The following ASTN2 variants were observed in gnomAD, a reference collection of about 807,000 sequenced individuals.
ASTN2 encodes astrotactin 2, also known as astrotactin-2.
In ASTN2, 54 loss-of-function variants were observed where a neutral mutation model predicts 139.8. The observed-to-expected ratio is 0.39, with a 90% CI of 0.31 to 0.48. The LOEUF (loss-of-function observed/expected upper bound fraction) is 0.48, where lower values mean the gene tolerates loss of function less well. Ranked by LOEUF, ASTN2 falls within the 20% of genes least tolerant of loss-of-function variation. The pLI is 0.95. For missense variants in ASTN2, 1,565 were observed against 1,725.1 expected, an observed-to-expected ratio of 0.91 and a Z score of 1.64; for synonymous variants, 756 against 719.5, an observed-to-expected ratio of 1.05 and a Z score of -0.81.
chr9:117,263,771 A>T (rs1451940102), intron 2 of ASTN2, among the ~76,000 whole-genome samples: 2 of 152,172 alleles, frequency 1.3e-5, no homozygotes, highest in Non-Finnish European at 2.9e-5. Flanking sequence ...TGATGTTCAC[A>T]ACGTTTTTCT....
At chr9:117,011,997 G>T (rs913487230) in intron 6 of ASTN2, among the ~76,000 whole-genome samples, 1 of 152,062 alleles carries the variant, frequency 6.6e-6, no homozygotes, top group African/African-American at 2.4e-5. Context: ...CTCATAGACC[G>T]TGATTTCCTA....
intron 11 of ASTN2, among the ~76,000 whole-genome samples, chr9:116,856,849 T>C (rs1407707147): frequency 6.6e-6 from 1 of 152,186 alleles, no homozygotes; most frequent in Non-Finnish European, 1.5e-5. Context: ...GGTTTGAGAT[T>C]GTTCTAGAAT....
intron 11 of ASTN2, among the ~76,000 whole-genome samples, chr9:116,824,454 T>C (rs1831569362): frequency 6.6e-6 from 1 of 152,204 alleles, no homozygotes; most frequent in African/African-American, 2.4e-5. Flanking sequence ...ATGGAGAGTC[T>C]TATGTGGCAA....
At position 116,970,021 on chromosome 9, in the gene ASTN2, C is replaced by A. The variant is rs564519171; in HGVS notation, c.1889+5187G>T. 2.6e-5 allele frequency among the ~76,000 whole-genome samples: 4 copies of A among 152,318 alleles called. No homozygotes were observed. The East Asian group carries it at 7.7e-4, about 29-fold the overall frequency. Reference sequence around the variant, plus strand: ...CTTTGCCTCTTTCAGCTTCTGGCGGCAGCTGGCATTCTGTGGCTTGTGATT... The same window carrying A: ...CTTTGCCTCTTTCAGCTTCTGGCGGAAGCTGGCATTCTGTGGCTTGTGATT... On this transcript the variant is annotated intron_variant, in intron 10 of 22. Transcript: ENST00000313400.
intron 10 of ASTN2, among the ~76,000 whole-genome samples, chr9:116,938,177 C>T (rs1271892571): frequency 2.0e-5 from 3 of 152,170 alleles, no homozygotes; most frequent in South Asian, 4.1e-4. Flanking sequence ...TACTGTAATA[C>T]ACTAGAATAC....
chr9:116,778,569 C>A (rs1413960448), intron 13 of ASTN2, among the ~76,000 whole-genome samples: 1 of 152,070 alleles, frequency 6.6e-6, no homozygotes, highest in East Asian at 1.9e-4. Context: ...GTGAGGAAAG[C>A]CATGAATAAA....
intron 10 of ASTN2, among the ~76,000 whole-genome samples, chr9:116,930,391 C>A (rs1235817768): frequency 6.6e-6 from 1 of 152,072 alleles, no homozygotes; most frequent in Non-Finnish European, 1.5e-5. Context: ...CTTATGTAAC[C>A]AGGGTTATGC....
At chr9:117,351,528 C>T (rs1380666770) in intron 1 of ASTN2, among the ~76,000 whole-genome samples, 1 of 152,148 alleles carries the variant, frequency 6.6e-6, no homozygotes, top group African/African-American at 2.4e-5. Flanking sequence ...TCACTGCCCC[C>T]AGGAAACCTT....
At chr9:117,406,475 C>T (rs1484324141) in intron 1 of ASTN2, among the ~76,000 whole-genome samples, 1 of 152,090 alleles carries the variant, frequency 6.6e-6, no homozygotes, top group Non-Finnish European at 1.5e-5. Context: ...GACGTCTTGT[C>T]CTGCCACCCC....
intron 1 of ASTN2, among the ~76,000 whole-genome samples, chr9:117,325,005 G>T (rs1049841931): frequency 6.6e-6 from 1 of 152,186 alleles, no homozygotes; most frequent in Non-Finnish European, 1.5e-5. Flanking sequence ...TGGGAATTCT[G>T]AGAGGCGGTG....
chr9:117,407,460 T>C (rs1831028753), intron 1 of ASTN2, among the ~76,000 whole-genome samples: 1 of 152,224 alleles, frequency 6.6e-6, no homozygotes, highest in South Asian at 2.1e-4. Context: ...AGGCCTGACC[T>C]TGACAGTGAC....
chr9:117,161,991 A>G (rs1168631712), intron 3 of ASTN2, among the ~76,000 whole-genome samples: 1 of 152,028 alleles, frequency 6.6e-6, no homozygotes, highest in African/African-American at 2.4e-5. Context: ...AGAAACAGAG[A>G]CTCAAAGAGA....
intron 12 of ASTN2, among the ~76,000 whole-genome samples, chr9:116,807,303 T>C (rs1475918830): frequency 3.9e-5 from 6 of 152,166 alleles, no homozygotes; most frequent in East Asian, 1.9e-4. Context: ...GCTACAGATA[T>C]AGAGCTGAAC....
intron 5 of ASTN2, among the ~76,000 whole-genome samples, chr9:117,053,509 T>C (rs1838974667): frequency 6.6e-6 from 1 of 151,858 alleles, no homozygotes; most frequent in African/African-American, 2.4e-5. Flanking sequence ...ATTTTAGAAA[T>C]GAGAAAAATG....
intron 20 of ASTN2, among the ~76,000 whole-genome samples, chr9:116,484,588 C>A (rs1849279477): frequency 1.3e-5 from 2 of 152,156 alleles, no homozygotes; most frequent in African/African-American, 4.8e-5. Flanking sequence ...GGGAGGAGAG[C>A]CGCCAATGGG....
At chr9:116,604,870 A>G (rs1351386178) in intron 19 of ASTN2, among the ~76,000 whole-genome samples, 1 of 152,192 alleles carries the variant, frequency 6.6e-6, no homozygotes, top group Non-Finnish European at 1.5e-5. Context: ...TAATGATAAC[A>G]GGGACAGAGA....
At chr9:117,055,028 G>A (rs1839018093) in intron 5 of ASTN2, among the ~76,000 whole-genome samples, 1 of 152,204 alleles carries the variant, frequency 6.6e-6, no homozygotes, top group Non-Finnish European at 1.5e-5. Context: ...AAGAGGCGGA[G>A]CTTAGGCTGT....
chr9:117,001,244 T>C lies in ASTN2; in HGVS notation c.1591+6848A>G, dbSNP rs138308214. 3.1e-3 allele frequency among the ~76,000 whole-genome samples: 474 copies of C among 152,314 alleles called. 4 individuals carry two copies. Among genetic ancestry groups the C allele is most frequent in the African/African-American group, 0.011 (445 of 41,588 alleles). On this transcript the variant is annotated intron_variant, in intron 7 of 22. Transcript: ENST00000313400. ...CCATGACTCTGTCCAGCTCTACAGATTTGACTCACAAAGGAGAGACTTCTT... is the reference window on the plus strand; with the variant it reads ...CCATGACTCTGTCCAGCTCTACAGACTTGACTCACAAAGGAGAGACTTCTT...
At chr9:117,014,550 C>A (rs1162992880) in intron 6 of ASTN2, among the ~76,000 whole-genome samples, 3 of 152,126 alleles carry the variant, frequency 2.0e-5, no homozygotes, top group Non-Finnish European at 4.4e-5. Context: ...TTTCCTTTTG[C>A]CTTGGATCAA....
Sources: gnomAD v4.1 joint callset for allele counts (sites outside exome capture counted in the v4.1 genomes callset) on GRCh38, gnomAD v4.1.1 for gene constraint, MANE v1.5 for transcripts, NCBI Gene and HGNC (gene_info 2026-07-23, HGNC 2026-07-21) for gene names.